Variants in NCOA6 observed in about 807,000 individuals in gnomAD.
The protein encoded by NCOA6 is NRC RAP250.
In NCOA6, 49 loss-of-function variants were observed where a neutral mutation model predicts 171.4. The observed-to-expected ratio is 0.29, with a 90% CI of 0.23 to 0.36. The LOEUF is 0.36. NCOA6 is among the 10% of genes least tolerant of loss of function. The probability of loss-of-function intolerance (pLI) is 1.00; values close to 1 mark genes in which losing one functional copy is unlikely to be tolerated. For missense variants in NCOA6, 2,248 were observed against 2,554.5 expected (o/e 0.88, Z 2.59); for synonymous variants, 910 against 927.5 (o/e 0.98, Z 0.34).
chr20:34,818,334 A>G (rs1386295668), intron 1 of NCOA6, among the ~76,000 whole-genome samples: 3 of 152,184 alleles, frequency 2.0e-5, no homozygotes, highest in Non-Finnish European at 4.4e-5. Flanking sequence ...AGCCTGGGCA[A>G]CAGAGTAAGA....
chr20:34,726,006 C>T (rs1464840692), intron 14 of NCOA6, among the ~76,000 whole-genome samples: 1 of 152,118 alleles, frequency 6.6e-6, no homozygotes, highest in Non-Finnish European at 1.5e-5. Flanking sequence ...GAAAAGGTGA[C>T]TCAGGATCAA....
At chr20:34,783,008 G>A (rs536259567) in intron 2 of NCOA6, among the ~76,000 whole-genome samples, 37 of 152,272 alleles carry the variant, frequency 2.4e-4, no homozygotes, top group African/African-American at 7.9e-4. Context: ...AGGGCTGGGC[G>A]CAGTGGCTCA....
intron 14 of NCOA6, among the ~76,000 whole-genome samples, chr20:34,716,940 G>GA (rs1030894708): frequency 1.3e-5 from 2 of 151,740 alleles, no homozygotes; most frequent in African/African-American, 2.4e-5. Context: ...TCATCAAGGA[G>GA]AAAAAAAATG....
At chr20:34,817,985 T>C (rs1003246177) in intron 1 of NCOA6, among the ~76,000 whole-genome samples, 39 of 152,350 alleles carry the variant, frequency 2.6e-4, no homozygotes, top group Non-Finnish European at 4.9e-4. Flanking sequence ...GATTTGATTA[T>C]ATGGTATGCA....
chr20:34,766,224 T>C (rs1459523146), intron 5 of NCOA6, among the ~76,000 whole-genome samples: 1 of 152,172 alleles, frequency 6.6e-6, no homozygotes, highest in Non-Finnish European at 1.5e-5. Flanking sequence ...CTTTATACTA[T>C]ATACATTATC....
At chr20:34,803,434 T>G (rs1189986907) in intron 1 of NCOA6, among the ~76,000 whole-genome samples, 2 of 148,056 alleles carry the variant, frequency 1.4e-5, no homozygotes, top group Admixed American at 1.4e-4. Flanking sequence ...ACCACTGTAC[T>G]CCAGCCTGGG....
At chr20:34,809,985 A>G (rs1303242034) in intron 1 of NCOA6, among the ~76,000 whole-genome samples, 1 of 152,182 alleles carries the variant, frequency 6.6e-6, no homozygotes, top group Non-Finnish European at 1.5e-5. Flanking sequence ...GAGTTGTAAA[A>G]GACAGATGAC....
chr20:34,751,136 C>T (rs1445297523), intron 8 of NCOA6, among the ~76,000 whole-genome samples: 2 of 150,668 alleles, frequency 1.3e-5, no homozygotes, highest in South Asian at 2.1e-4. Context: ...TTTGGGAGGC[C>T]GAGGCGGGTG....
chr20:34,812,742 G>A (rs572881352), intron 1 of NCOA6, among the ~76,000 whole-genome samples: 90 of 152,234 alleles, frequency 5.9e-4, no homozygotes, highest in African/African-American at 2.0e-3. Flanking sequence ...GAGGTCAGGC[G>A]TGGTAGCTCA....
At position 34,805,044 on chromosome 20, in the gene NCOA6, T is replaced by C. The variant is rs866855869; in HGVS notation, c.-163-12481A>G. Among the ~76,000 whole-genome samples, 244 of 136,516 alleles carry C rather than the reference T, an allele frequency of 1.8e-3. 1 individual carries two copies. Among genetic ancestry groups the C allele is most frequent in the African/African-American group, 6.3e-3 (226 of 35,680 alleles). 89.6% of individuals were successfully genotyped at this position (136,516 alleles called of 152,430 possible). ...GTTCTACTCTCTATTTCTTATACCC[T>C]TTTTTTTTTTTTTTAAGACAGTCTC... On this transcript the variant is annotated intron_variant, in intron 1 of 14. Transcript: ENST00000359003.
At position 34,742,713 on chromosome 20, in the gene NCOA6, G is replaced by C. The variant is rs2076183664; in HGVS notation, c.3543C>G (p.Pro1181=). Residue 1181 remains proline (P), a synonymous_variant, in exon 11 of 15, where the codon CCC becomes CCG. Transcript: ENST00000359003. ...GCAGGGAATTTACAGGGGGTTGCTG[G>C]GGAGTTGCACCTTGAGTTGCTGAAA... ...SPLSATQGAT[P]QQPPVNSLPS... The C allele has an allele frequency of 6.2e-7, 1 of 1,614,124 alleles. No homozygotes were observed.
At chr20:34,744,899 C>T (rs1392656716) in intron 10 of NCOA6, among the ~76,000 whole-genome samples, 1 of 152,128 alleles carries the variant, frequency 6.6e-6, no homozygotes, top group Admixed American at 6.5e-5. Flanking sequence ...AATCAGCCCA[C>T]CAGACAGTAA....
At chr20:34,721,728 A>C (rs1159896119) in intron 14 of NCOA6, among the ~76,000 whole-genome samples, 1 of 152,056 alleles carries the variant, frequency 6.6e-6, no homozygotes, top group African/African-American at 2.4e-5. Context: ...ACAGACCACT[A>C]CCAACCAGTC....
At position 34,741,410 on chromosome 20, in the gene NCOA6, A is replaced by G. The variant is rs1476020933; in HGVS notation, c.4846T>C (p.Leu1616=). ...ITTSANTSAA[L]PTHLQSALMS... ...AATGCAGACTGCAAGTGAGTTGGCA[A>G]AGCTGCTGATGTGTTAGCTGAAGTT... The change falls in exon 11 of 15, where the codon TTG becomes CTG. Residue 1616 remains leucine (L), a synonymous_variant. Coordinates refer to ENST00000359003, the MANE Select transcript of NCOA6 (RefSeq NM_014071.5). 1.9e-6 allele frequency: 3 copies of G among 1,614,232 alleles called. No individual in the cohort carries two copies. Among genetic ancestry groups the G allele is most frequent in the East Asian group, 2.2e-5 (1 of 44,888 alleles).
At chr20:34,816,780 C>T (rs1281096647) in intron 1 of NCOA6, among the ~76,000 whole-genome samples, 1 of 151,480 alleles carries the variant, frequency 6.6e-6, no homozygotes, top group Non-Finnish European at 1.5e-5. Context: ...CCAGCCTGGG[C>T]AAGGGAGTGA....
chr20:34,742,787 G>T lies in NCOA6; in HGVS notation c.3469C>A (p.Pro1157Thr), dbSNP rs761251404. Residue 1157 changes from proline to threonine, a missense_variant, in exon 11 of 15, where the codon CCC becomes ACC. Physicochemically the swap from Pro to Thr is conservative, Grantham distance 38 (BLOSUM62 -1). Around this residue, in one of 7 missense-constraint regions of NCOA6, gnomAD observed 352 missense variants for 419.1 expected, o/e 0.84. Transcript: ENST00000359003. Reference protein sequence around the residue: ...PNNMPSHVVLPQNQLMMTGPK... With the variant: ...PNNMPSHVVLTQNQLMMTGPK... ...CCTGTCATCATTAACTGATTCTGGG[G>T]AAGTACTACATGTGAAGGCATGTTG... The T allele has an allele frequency of 6.2e-7, 1 of 1,614,180 alleles. No individual in the cohort carries two copies. The highest frequency in any genetic ancestry group is 8.5e-7 in the Non-Finnish European group (1 of 1,180,026).
At chr20:34,821,676 C>T (rs1476819649) in intron 1 of NCOA6, 1 of 151,976 alleles carries the variant, frequency 6.6e-6, no homozygotes, top group Non-Finnish European at 1.5e-5. Flanking sequence ...CAAGCTCCGC[C>T]TCCCGGGTTC....
At chr20:34,778,515 C>T (rs968534134) in intron 3 of NCOA6, among the ~76,000 whole-genome samples, 8 of 151,272 alleles carry the variant, frequency 5.3e-5, no homozygotes, top group African/African-American at 1.9e-4. Context: ...GCAACCTCTG[C>T]CTCCCGGCTT....
chr20:34,741,866 G>T lies in NCOA6; in HGVS notation c.4390C>A (p.Pro1464Thr), dbSNP rs185291031. Residue 1464 changes from proline to threonine, a missense_variant, in exon 11 of 15, where the codon CCT (proline) becomes ACT (threonine). Physicochemically the swap from Pro to Thr is conservative, Grantham distance 38. Around this residue, in one of 7 missense-constraint regions of NCOA6, gnomAD observed 884 missense variants for 941.9 expected, o/e 0.94. Coordinates refer to ENST00000359003, the MANE Select transcript of NCOA6 (RefSeq NM_014071.5). ...PEDQSKKDGQ[P>T]SDPNKLPSVE... Reference sequence around the variant, plus strand: ...CTGGGAAGTTTGTTAGGATCCGAAGGCTGCCCATCCTTTTTGGACTGATCT... The same window carrying T: ...CTGGGAAGTTTGTTAGGATCCGAAGTCTGCCCATCCTTTTTGGACTGATCT... 3 of 1,614,138 alleles carry T rather than the reference G, an allele frequency of 1.9e-6. No individual in the cohort carries two copies. The East Asian group carries it at 6.7e-5, about 36-fold the overall frequency.
Sources: allele counts gnomAD v4.1 joint callset (sites outside exome capture counted in the v4.1 genomes callset), GRCh38; gene constraint gnomAD v4.1.1; regional missense constraint gnomAD v4.1.1; transcripts MANE v1.5; gene names NCBI Gene and HGNC (gene_info 2026-07-23, HGNC 2026-07-21).